The following NFIA variants were observed in gnomAD, a reference collection of about 807,000 sequenced individuals.
The protein encoded by NFIA is nuclear factor I A.
Under a neutral mutation model 62.8 loss-of-function variants are expected in NFIA, and 8 were observed. That is an observed-to-expected ratio of 0.13 (90% CI 0.07 to 0.23). The LOEUF is 0.23. Ranked by LOEUF, NFIA falls within the 10% of genes least tolerant of loss-of-function variation. The probability of loss-of-function intolerance (pLI) is 1.00; values close to 1 mark genes in which losing one functional copy is unlikely to be tolerated. For missense variants in NFIA, 410 were observed against 642.1 expected (o/e 0.64, Z 3.91); for synonymous variants, 235 against 238.1 (o/e 0.99, Z 0.12).
chr1:61,428,150 A>G (rs1666949471), intron 10 of NFIA, among the ~76,000 whole-genome samples: 1 of 152,194 alleles, frequency 6.6e-6, no homozygotes, highest in African/African-American at 2.4e-5. Context: ...TATTTTTTAT[A>G]TAAGCTGTGA....
intron 2 of NFIA, among the ~76,000 whole-genome samples, chr1:61,256,058 A>G (rs1251254721): frequency 6.6e-6 from 1 of 152,174 alleles, no homozygotes; most frequent in East Asian, 1.9e-4. Context: ...GAAGAAGAAG[A>G]ATTGCCTTGG....
chr1:61,353,175 A>G (rs563566390), intron 5 of NFIA, among the ~76,000 whole-genome samples: 1 of 152,106 alleles, frequency 6.6e-6, no homozygotes, highest in East Asian at 1.9e-4. Flanking sequence ...GTTGCCCTAA[A>G]AGGTGAAACC....
Position 61,288,887 on chromosome 1 carries a change from C to T in NFIA, c.625+11302C>T, listed in dbSNP as rs114801650. The stretch of plus-strand genomic sequence containing the variant: ...GGCTCAGGTGATGCTCCCACCTCAG[C>T]CTACCAAATAGCTGAGACTATAGGC... On this transcript the variant is annotated intron_variant, in intron 3 of 10. Coordinates refer to ENST00000403491, the MANE Select transcript of NFIA (RefSeq NM_001134673.4). Among the ~76,000 whole-genome samples the T allele has an allele frequency of 4.3e-3, 649 of 152,256 alleles. 2 individuals are homozygous for T. Among genetic ancestry groups the T allele is most frequent in the East Asian group, 9.7e-3 (50 of 5,168 alleles).
intron 6 of NFIA, among the ~76,000 whole-genome samples, chr1:61,381,804 T>G (rs1664430082): frequency 6.6e-6 from 1 of 152,164 alleles, no homozygotes; most frequent in Non-Finnish European, 1.5e-5. Context: ...TTATACAGTC[T>G]GAGTCACACT....
At chr1:61,168,351 G>A (rs756828109) in intron 2 of NFIA, among the ~76,000 whole-genome samples, 1 of 152,096 alleles carries the variant, frequency 6.6e-6, no homozygotes, top group Non-Finnish European at 1.5e-5. Context: ...CTGTCTCTGC[G>A]TGTGCATGTA....
chr1:61,161,608 C>G (rs918725100), intron 2 of NFIA, among the ~76,000 whole-genome samples: 1 of 151,994 alleles, frequency 6.6e-6, no homozygotes, highest in Non-Finnish European at 1.5e-5. Context: ...CACACACACA[C>G]ACACACACAC....
chr1:61,205,317 T>C (rs1652823291), intron 2 of NFIA, among the ~76,000 whole-genome samples: 1 of 152,214 alleles, frequency 6.6e-6, no homozygotes, highest in Non-Finnish European at 1.5e-5. Context: ...TCAATTTCTG[T>C]GCAGGTCCAT....
At chr1:61,376,815 A>G (rs1664171091) in intron 6 of NFIA, among the ~76,000 whole-genome samples, 1 of 152,228 alleles carries the variant, frequency 6.6e-6, no homozygotes, top group Admixed American at 6.5e-5. Flanking sequence ...ACCATCTAAT[A>G]GCTGTATGAT....
At chr1:61,180,325 CTT>C (rs1460141276) in intron 2 of NFIA, among the ~76,000 whole-genome samples, 1 of 152,204 alleles carries the variant, frequency 6.6e-6, no homozygotes, top group Non-Finnish European at 1.5e-5. Context: ...TATGGAGCCT[CTT>C]TATTGCCCAG....
intron 4 of NFIA, among the ~76,000 whole-genome samples, chr1:61,336,081 G>A (rs1446434210): frequency 2.6e-5 from 4 of 152,054 alleles, no homozygotes; most frequent in African/African-American, 9.7e-5. Context: ...AAGAGGTTAA[G>A]CAACTTGCTC....
intron 3 of NFIA, among the ~76,000 whole-genome samples, chr1:61,306,265 TG>T: frequency 8.3e-6 from 1 of 120,620 alleles, no homozygotes; most frequent in Non-Finnish European, 1.6e-5. Flanking sequence ...ACCCAGATTT[TG>T]TTCTTTTTTT....
intron 6 of NFIA, among the ~76,000 whole-genome samples, chr1:61,373,789 C>T (rs79486150): frequency 0.048 from 7,032 of 146,892 alleles, 229 homozygotes; most frequent in South Asian, 0.15. Context: ...GAATATGTTT[C>T]GCTTTTGGAA....
intron 8 of NFIA, 39 bp from the exon 9 acceptor site, chr1:61,406,523 T>G (rs1430252236): frequency 6.4e-7 from 1 of 1,552,648 alleles, no homozygotes; most frequent in South Asian, 1.2e-5. Flanking sequence ...TTTCTTCTTT[T>G]TCTTGTACGT....
intron 4 of NFIA, among the ~76,000 whole-genome samples, chr1:61,343,915 G>A (rs777096172): frequency 6.6e-6 from 1 of 152,166 alleles, no homozygotes; most frequent in Non-Finnish European, 1.5e-5. Context: ...GTCTATGTTC[G>A]TGTTACCTCT....
intron 2 of NFIA, among the ~76,000 whole-genome samples, chr1:61,227,246 A>G (rs547164956): frequency 6.6e-6 from 1 of 152,236 alleles, no homozygotes; most frequent in South Asian, 2.1e-4. Flanking sequence ...GCTGGTTTCA[A>G]TTTTATTTTG....
chr1:61,286,435 AAAAAAAAAAT>A (rs1557683295), intron 3 of NFIA, among the ~76,000 whole-genome samples: 2 of 151,812 alleles, frequency 1.3e-5, no homozygotes, highest in Non-Finnish European at 2.9e-5. Flanking sequence ...CTCAAAAAAA[AAAAAAAAAAT>A]AGAATTGCTG....
At chr1:61,081,858 G>T, upstream of NFIA, 1 of 1,536,230 alleles carries the variant, frequency 6.5e-7, no homozygotes, top group Non-Finnish European at 8.7e-7. Flanking sequence ...TCGCTGGAGA[G>T]ATTACAATGC....
At chr1:61,339,259 C>T (rs1199361331) in intron 4 of NFIA, among the ~76,000 whole-genome samples, 1 of 152,142 alleles carries the variant, frequency 6.6e-6, no homozygotes, top group Non-Finnish European at 1.5e-5. Context: ...GTCAATGGCA[C>T]CTCTTCTAGA....
At chr1:61,078,532 T>TA (rs1168324058), upstream of NFIA, among the ~76,000 whole-genome samples, 1 of 152,212 alleles carries the variant, frequency 6.6e-6, no homozygotes, top group Admixed American at 6.5e-5. Flanking sequence ...CAAAACTTCT[T>TA]ACTCTGATTA....
Sources: gnomAD v4.1 joint callset for allele counts (sites outside exome capture counted in the v4.1 genomes callset) on GRCh38, gnomAD v4.1.1 for gene constraint, MANE v1.5 for transcripts, NCBI Gene and HGNC (gene_info 2026-07-23, HGNC 2026-07-21) for gene names.